Variants in CSMD1 observed in about 807,000 individuals in gnomAD.
The protein encoded by CSMD1 is CUB and sushi domain-containing protein 1.
A neutral mutation model predicts 417.5 loss-of-function variants in CSMD1; 213 were observed. That is an observed-to-expected ratio of 0.51 (90% CI 0.46 to 0.57). CSMD1 has a LOEUF of 0.57. CSMD1 is among the 20% of genes least tolerant of loss of function. CSMD1 has a pLI of 0.00. For synonymous variants in CSMD1, 2,862 were observed against 1,736.8 expected, an observed-to-expected ratio of 1.65 and a Z score of -16.11; for missense variants, 6,923 against 4,529.7, an observed-to-expected ratio of 1.53 and a Z score of -15.17.
rs188015929 is a variant in CSMD1, at chr8:4,695,714, A to G, written c.86-58156T>C. ...CACTCAAAGGTCAGTTTACTTCAGG[A>G]TTTACCGTTGGTATTTTATGTTCTA... On this transcript the variant is annotated intron_variant, in intron 1 of 69. Coordinates refer to ENST00000635120, the MANE Select transcript of CSMD1 (RefSeq NM_033225.6). Among the ~76,000 whole-genome samples, 1,063 of 152,214 alleles carry G rather than the reference A, an allele frequency of 7.0e-3. 12 individuals are homozygous for G. The highest frequency in any genetic ancestry group is 0.027 in the Middle Eastern group (8 of 294).
chr8:3,443,102 A>C (rs967229221), intron 12 of CSMD1, among the ~76,000 whole-genome samples: 6 of 152,136 alleles, frequency 3.9e-5, no homozygotes, highest in Admixed American at 6.6e-5. Flanking sequence ...ATTTGTACTT[A>C]TGATGCCTTT....
intron 2 of CSMD1, among the ~76,000 whole-genome samples, chr8:4,485,443 G>C (rs1039590295): frequency 6.6e-6 from 1 of 152,148 alleles, no homozygotes; most frequent in African/African-American, 2.4e-5. Context: ...GGCTTCTATG[G>C]ATTCACAAGT....
intron 3 of CSMD1, among the ~76,000 whole-genome samples, chr8:4,386,502 C>A (rs977987623): frequency 6.6e-6 from 1 of 152,252 alleles, no homozygotes; most frequent in East Asian, 1.9e-4. Flanking sequence ...AATAGAGAAT[C>A]TCAATCCCAT....
chr8:4,154,017 C>G (rs1449084783), intron 3 of CSMD1, among the ~76,000 whole-genome samples: 1 of 152,188 alleles, frequency 6.6e-6, no homozygotes, highest in East Asian at 1.9e-4. Flanking sequence ...CCTCATTTTG[C>G]ACCGTATTTT....
chr8:4,845,547 G>C (rs779311116), intron 1 of CSMD1, among the ~76,000 whole-genome samples: 1 of 152,216 alleles, frequency 6.6e-6, no homozygotes, highest in Non-Finnish European at 1.5e-5. Flanking sequence ...TTGAACTTTG[G>C]CCTACGTGGT....
chr8:3,899,872 A>T (rs1456999085), intron 5 of CSMD1, among the ~76,000 whole-genome samples: 1 of 152,130 alleles, frequency 6.6e-6, no homozygotes, highest in African/African-American at 2.4e-5. Context: ...CAGTTCCTTT[A>T]CTCCAAACCC....
rs755365126 is a variant in CSMD1, at chr8:3,205,507, A to G, written c.4981T>C (p.Phe1661Leu). The change falls in exon 31 of 70, where the codon TTC becomes CTC. Residue 1661 changes from phenylalanine to leucine, a missense_variant. Phe to Leu is a conservative substitution (Grantham distance 22, BLOSUM62 0). Coordinates refer to ENST00000635120, the MANE Select transcript of CSMD1 (RefSeq NM_033225.6). ...AAAAATACAAGGACATCCTTACCGA[A>G]TTCCTTTGGTACCGTGATGGAATAG... ...CLYSITVPKE[F>L]VVFGQFAYFQ... 8.7e-6 allele frequency: 13 copies of G among 1,492,686 alleles called. No individual in the cohort carries two copies. Among genetic ancestry groups the G allele is most frequent in the Non-Finnish European group, 1.1e-5 (12 of 1,086,570 alleles). The allele number at this position is 1,492,686 out of a possible 1,614,324, so 92.5% of individuals were successfully genotyped here. A position where few individuals can be genotyped will look rare whatever the true frequency, so the allele number is the denominator to read the frequency against.
intron 42 of CSMD1, among the ~76,000 whole-genome samples, chr8:3,112,067 A>C (rs1054167155): frequency 2.0e-5 from 3 of 151,866 alleles, no homozygotes; most frequent in Non-Finnish European, 4.4e-5. Flanking sequence ...GGCTCTGCTC[A>C]CAGAGCACAC....
chr8:4,603,081 A>G (rs888123153), intron 2 of CSMD1, among the ~76,000 whole-genome samples: 8 of 152,026 alleles, frequency 5.3e-5, no homozygotes, highest in African/African-American at 1.4e-4. Context: ...TAAATATCTA[A>G]TAAGGGAATA....
At chr8:3,955,267 T>C (rs1392670718) in intron 5 of CSMD1, among the ~76,000 whole-genome samples, 2 of 152,088 alleles carry the variant, frequency 1.3e-5, no homozygotes, top group African/African-American at 4.8e-5. Context: ...CCAACCAACA[T>C]GCAAAAGAGG....
At position 3,396,094 on chromosome 8, in the gene CSMD1, A is replaced by T. The variant is rs146124284; in HGVS notation, c.2593+100T>A. 4.3e-4 allele frequency: 431 copies of T among 1,011,378 alleles called. 5 individuals are homozygous for T. In the East Asian group the frequency reaches 9.6e-3, roughly 23 times the overall value. The allele number at this position is 1,011,378 out of a possible 1,614,324, so 62.7% of individuals were successfully genotyped here. ...TTTGCTAGAGTCAAGCAGGATCAGTAAACTAGCACAGTCATCTGCAGGCTG... is the reference window on the plus strand; with the variant it reads ...TTTGCTAGAGTCAAGCAGGATCAGTTAACTAGCACAGTCATCTGCAGGCTG... On this transcript the variant is annotated intron_variant, in intron 17 of 69. Coordinates refer to ENST00000635120, the MANE Select transcript of CSMD1 (RefSeq NM_033225.6).
intron 17 of CSMD1, among the ~76,000 whole-genome samples, chr8:3,392,674 T>C (rs1379292777): frequency 6.6e-6 from 1 of 152,104 alleles, no homozygotes; most frequent in East Asian, 1.9e-4. Context: ...CTGATTTTCA[T>C]CATGAGTTCC....
intron 10 of CSMD1, among the ~76,000 whole-genome samples, chr8:3,526,856 A>G (rs185869489): frequency 1.3e-5 from 2 of 152,266 alleles, no homozygotes; most frequent in East Asian, 3.9e-4. Flanking sequence ...TTACCCAATC[A>G]TCATTTTCTT....
intron 37 of CSMD1, among the ~76,000 whole-genome samples, chr8:3,166,980 T>G (rs767434548): frequency 6.6e-6 from 1 of 152,160 alleles, no homozygotes; most frequent in Non-Finnish European, 1.5e-5. Context: ...GGTGAAGCAA[T>G]GCTTCTTTAA....
chr8:3,227,898 G>A (rs1798610385), intron 27 of CSMD1, among the ~76,000 whole-genome samples: 1 of 151,786 alleles, frequency 6.6e-6, no homozygotes. Flanking sequence ...CTCCCAAGTA[G>A]CTGGGATCAC....
At chr8:4,871,953 A>C (rs890206088) in intron 1 of CSMD1, among the ~76,000 whole-genome samples, 5 of 152,068 alleles carry the variant, frequency 3.3e-5, no homozygotes, top group African/African-American at 1.2e-4. Flanking sequence ...TATGGTCTGG[A>C]CCAAGCATAG....
intron 5 of CSMD1, among the ~76,000 whole-genome samples, chr8:3,968,285 G>C (rs950728086): frequency 9.9e-5 from 15 of 152,098 alleles, no homozygotes; most frequent in African/African-American, 2.7e-4. Flanking sequence ...TATGAGTATT[G>C]CCTGGACAAT....
chr8:4,757,898 G>A (rs1401277238), intron 1 of CSMD1, among the ~76,000 whole-genome samples: 12 of 144,130 alleles, frequency 8.3e-5, no homozygotes, highest in Non-Finnish European at 1.6e-4. Context: ...GGCAGCGGTT[G>A]AAGGGAGCCG....
At chr8:4,550,201 T>A (rs1223274648) in intron 2 of CSMD1, among the ~76,000 whole-genome samples, 1 of 151,956 alleles carries the variant, frequency 6.6e-6, no homozygotes. Context: ...TGTGCAACTT[T>A]CCCTGTACCT....
Sources: gnomAD v4.1 joint callset for allele counts (sites outside exome capture counted in the v4.1 genomes callset) on GRCh38, gnomAD v4.1.1 for gene constraint, MANE v1.5 for transcripts, NCBI Gene and HGNC (gene_info 2026-07-23, HGNC 2026-07-21) for gene names.